METTL25: variants seen among roughly 807,000 people sequenced by gnomAD.
The protein encoded by METTL25 is probable methyltransferase-like protein 25.
METTL25 carries 64 observed loss-of-function variants against 71.6 expected under a neutral mutation model. The ratio of observed to expected loss-of-function variants is 0.89; its 90% CI spans 0.73 to 1.10. METTL25 has a LOEUF of 1.10. Ranked by LOEUF, METTL25 falls within the 50% of genes least tolerant of loss-of-function variation. The pLI, the probability that METTL25 is intolerant of heterozygous loss-of-function variation, is 0.00. For missense variants in METTL25, 807 were observed against 707.0 expected, an observed-to-expected ratio of 1.14 and a Z score of -1.60; for synonymous variants, 287 against 250.3, an observed-to-expected ratio of 1.15 and a Z score of -1.38.
intron 1 of METTL25, among the ~76,000 whole-genome samples, chr12:82,370,780 C>G (rs1247951762): frequency 6.6e-6 from 1 of 152,072 alleles, no homozygotes; most frequent in Non-Finnish European, 1.5e-5. Context: ...GTCTCTTCCT[C>G]CCTCTCTCTC....
chr12:82,474,427 G>A (rs1002591921), intron 9 of METTL25: 4 of 152,150 alleles, frequency 2.6e-5, no homozygotes, highest in Non-Finnish European at 5.9e-5. Flanking sequence ...TTCTTGTATG[G>A]GGGAACTGGC....
At chr12:82,373,210 C>A (rs2136871044) in intron 1 of METTL25, among the ~76,000 whole-genome samples, 1 of 152,244 alleles carries the variant, frequency 6.6e-6, no homozygotes. Context: ...GAGGGCCATA[C>A]CCTGAGGGAG....
chr12:82,464,809 G>A (rs1469654048), intron 9 of METTL25, among the ~76,000 whole-genome samples: 1 of 151,496 alleles, frequency 6.6e-6, no homozygotes, highest in Admixed American at 6.6e-5. Context: ...AGTTTTTCTT[G>A]TAGAGGTCTT....
At chr12:82,419,063 T>C (rs1474024674) in intron 5 of METTL25, among the ~76,000 whole-genome samples, 1 of 152,050 alleles carries the variant, frequency 6.6e-6, no homozygotes, top group African/African-American at 2.4e-5. Flanking sequence ...AAACAAATTG[T>C]CAAGATAATA....
chr12:82,433,051 T>TC (rs1281358947), intron 6 of METTL25, among the ~76,000 whole-genome samples: 1 of 151,620 alleles, frequency 6.6e-6, no homozygotes, highest in East Asian at 1.9e-4. Flanking sequence ...GTATGTTTTC[T>TC]CATCCTCTTT....
chr12:82,415,675 G>A (rs747248484), intron 5 of METTL25, among the ~76,000 whole-genome samples: 2 of 152,050 alleles, frequency 1.3e-5, no homozygotes, highest in Non-Finnish European at 2.9e-5. Flanking sequence ...AGGTAGTGAG[G>A]GAAAGAATTC....
chr12:82,432,233 T>C (rs1348205154), intron 6 of METTL25, among the ~76,000 whole-genome samples: 3 of 151,726 alleles, frequency 2.0e-5, no homozygotes, highest in South Asian at 2.1e-4. Context: ...TTCTAAGTTA[T>C]ATACTAGAAT....
chr12:82,394,480 T>C (rs186177432), intron 3 of METTL25, among the ~76,000 whole-genome samples: 254 of 152,156 alleles, frequency 1.7e-3, no homozygotes, highest in Non-Finnish European at 3.1e-3. Flanking sequence ...TCATTCACAT[T>C]ACCAAGGCTT....
chr12:82,389,687 C>G, intron 2 of METTL25, 129 bp from the exon 3 acceptor site: 1 of 549,088 alleles, frequency 1.8e-6, no homozygotes, highest in South Asian at 2.3e-5. Context: ...TAGTAGAGAT[C>G]TATCCAGAAA....
chr12:82,449,028 A>G (rs183564318), intron 8 of METTL25, among the ~76,000 whole-genome samples: 82 of 152,312 alleles, frequency 5.4e-4, no homozygotes, highest in African/African-American at 2.0e-3. Context: ...TTCCTTGGAA[A>G]GTGTTACAAG....
chr12:82,417,344 A>G (rs1398003778), intron 5 of METTL25, among the ~76,000 whole-genome samples: 3 of 152,178 alleles, frequency 2.0e-5, no homozygotes, highest in African/African-American at 7.2e-5. Context: ...ACTTTCAACG[A>G]TGAATGAACT....
chr12:82,380,398 G>T (rs1240526694), intron 1 of METTL25, among the ~76,000 whole-genome samples: 1 of 150,110 alleles, frequency 6.7e-6, no homozygotes, highest in African/African-American at 2.5e-5. Flanking sequence ...ACCTGCACAT[G>T]CATCCCGACC....
At chr12:82,392,714 C>A (rs577154326) in intron 3 of METTL25, among the ~76,000 whole-genome samples, 1 of 152,146 alleles carries the variant, frequency 6.6e-6, no homozygotes, top group South Asian at 2.1e-4. Flanking sequence ...TTGCCTAGAC[C>A]AATGTCCTAG....
chr12:82,419,298 C>G (rs900258432), intron 5 of METTL25, among the ~76,000 whole-genome samples: 27 of 152,034 alleles, frequency 1.8e-4, no homozygotes, highest in African/African-American at 6.5e-4. Flanking sequence ...CTGTTTTGTG[C>G]AAATTCAGTC....
chr12:82,377,156 C>T (rs899538296), intron 1 of METTL25, among the ~76,000 whole-genome samples: 5 of 151,878 alleles, frequency 3.3e-5, no homozygotes, highest in Admixed American at 2.0e-4. Context: ...TTTATTTCTA[C>T]TTTTGTTTGT....
intron 9 of METTL25, among the ~76,000 whole-genome samples, chr12:82,472,201 A>G (rs986844667): frequency 5.3e-5 from 8 of 152,352 alleles, no homozygotes; most frequent in Admixed American, 2.0e-4. Flanking sequence ...TAAAGATGAA[A>G]TAATTTTGTG....
intron 8 of METTL25, among the ~76,000 whole-genome samples, chr12:82,455,810 T>G (rs1477008960): frequency 1.3e-5 from 2 of 151,888 alleles, no homozygotes; most frequent in Non-Finnish European, 2.9e-5. Context: ...GGAGAGGTAT[T>G]GAAAGCTTTT....
At chr12:82,458,266 T>G (rs1891631525) in intron 9 of METTL25, among the ~76,000 whole-genome samples, 1 of 152,132 alleles carries the variant, frequency 6.6e-6, no homozygotes, top group African/African-American at 2.4e-5. Context: ...ACAAAAACAT[T>G]TACAGTGGAT....
intron 8 of METTL25, among the ~76,000 whole-genome samples, chr12:82,449,302 C>T (rs1890972198): frequency 6.6e-6 from 1 of 152,140 alleles, no homozygotes; most frequent in Non-Finnish European, 1.5e-5. Context: ...ATGCCCAAAC[C>T]TAAACTATTA....
Sources: gnomAD v4.1 joint callset for allele counts (sites outside exome capture counted in the v4.1 genomes callset) on GRCh38, gnomAD v4.1.1 for gene constraint, MANE v1.5 for transcripts, NCBI Gene and HGNC (gene_info 2026-07-23, HGNC 2026-07-21) for gene names.